NOB1: variants seen among roughly 807,000 people sequenced by gnomAD.
The protein encoded by NOB1 is NIN1 (RPN12) binding protein 1 homolog, also known as RNA-binding protein NOB1.
In NOB1, 44 loss-of-function variants were observed where a neutral mutation model predicts 44.8. The observed-to-expected ratio is 0.98, with a 90% confidence interval of 0.77 to 1.26. The LOEUF (loss-of-function observed/expected upper bound fraction) is 1.26, where lower values mean the gene tolerates loss of function less well. Among genes scored for constraint, NOB1 ranks in the 50% most tolerant of loss-of-function variants. The probability of loss-of-function intolerance (pLI) is 0.00; values close to 1 mark genes in which losing one functional copy is unlikely to be tolerated. For synonymous variants in NOB1, 238 were observed against 218.7 expected, an observed-to-expected ratio of 1.09 and a Z score of -0.78; for missense variants, 560 against 544.8, an observed-to-expected ratio of 1.03 and a Z score of -0.28.
intron 2 of NOB1, among the ~76,000 whole-genome samples, chr16:69,753,195 C>T (rs973347108): frequency 1.3e-5 from 2 of 151,992 alleles, no homozygotes; most frequent in African/African-American, 4.8e-5. Context: ...GCACTCCAGG[C>T]TAGGCAACAC....
intron 8 of NOB1, among the ~76,000 whole-genome samples, chr16:69,743,200 C>T (rs539245831): frequency 8.5e-5 from 13 of 152,146 alleles, no homozygotes; most frequent in Non-Finnish European, 1.6e-4. Context: ...GACAGAAATC[C>T]ACAAGACCAC....
Position 69,744,857 on chromosome 16 carries a change from G to T in NOB1, c.969+16C>A. On this transcript the variant is annotated intron_variant, in intron 8 of 8. Coordinates refer to ENST00000268802, the MANE Select transcript of NOB1 (RefSeq NM_014062.3). ...CACTCTGGTGTTGGGAGGGGACTGGGAGAGGCGCCACTCACCCGGAGGCCG... is the reference window on the plus strand; with the variant it reads ...CACTCTGGTGTTGGGAGGGGACTGGTAGAGGCGCCACTCACCCGGAGGCCG... 6.2e-7 allele frequency: 1 copy of T among 1,610,682 alleles called. No homozygotes were observed.
rs116408828 is a variant in NOB1, at chr16:69,746,301, A to G, written c.825-1284T>C. 8.8e-3 allele frequency among the ~76,000 whole-genome samples: 1,342 copies of G among 152,312 alleles called. 20 individuals carry two copies. Among genetic ancestry groups the G allele is most frequent in the African/African-American group, 0.031 (1,286 of 41,574 alleles). On this transcript the variant is annotated intron_variant, in intron 7 of 8. Transcript: ENST00000268802. ...CAGATGATCTACGTGATGCCCCCAG[A>G]CCCAGCCTGAGCCTGCAGAATGGCA...
chr16:69,743,482 T>G (rs1285302815), intron 8 of NOB1, among the ~76,000 whole-genome samples: 1 of 152,110 alleles, frequency 6.6e-6, no homozygotes, highest in African/African-American at 2.4e-5. Context: ...CACCAGTAAA[T>G]TAGACAATTA....
intron 8 of NOB1, among the ~76,000 whole-genome samples, chr16:69,743,540 C>T (rs1263173158): frequency 6.6e-6 from 1 of 152,190 alleles, no homozygotes; most frequent in African/African-American, 2.4e-5. Flanking sequence ...ATCAGGATCA[C>T]CTCTGGCGTG....
chr16:69,752,446 A>T, intron 2 of NOB1, 75 bp from the exon 3 acceptor site: 1 of 1,484,038 alleles, frequency 6.7e-7, no homozygotes, highest in Non-Finnish European at 9.3e-7. Context: ...GGAAGTATCA[A>T]AACAATTTAG....
intron 6 of NOB1, among the ~76,000 whole-genome samples, 184 bp from the exon 7 acceptor site, chr16:69,748,513 C>G (rs149880095): frequency 7.9e-5 from 12 of 152,214 alleles, no homozygotes; most frequent in Non-Finnish European, 1.5e-4. Context: ...TTTCTAACAC[C>G]GTCCTGGAGC....
chr16:69,745,021 G>A lies in NOB1; in HGVS notation c.825-4C>T. ...TCGGCTCATGTCAGACGTTGTCCTG[G>A]GAGACACAAAAGGAGATGATCTGTA... On this transcript the variant is annotated splice_region_variant and splice_polypyrimidine_tract_variant and intron_variant, in intron 7 of 8. Transcript: ENST00000268802. 6.2e-7 allele frequency: 1 copy of A among 1,613,918 alleles called. No homozygotes were observed. The highest frequency in any genetic ancestry group is 8.5e-7 in the Non-Finnish European group (1 of 1,179,878).
chr16:69,744,063 G>A (rs1332200766), intron 8 of NOB1, among the ~76,000 whole-genome samples: 1 of 152,074 alleles, frequency 6.6e-6, no homozygotes, highest in Non-Finnish European at 1.5e-5. Flanking sequence ...AGTGGCTCAC[G>A]CCTGTAATCC....
Position 69,749,311 on chromosome 16 carries a change from C to CT in NOB1, c.426dup (p.Gly143ArgfsTer6). 1.2e-6 allele frequency: 2 copies of CT among 1,600,640 alleles called. No homozygotes were observed. The highest frequency in any genetic ancestry group is 2.3e-5 in the South Asian group (2 of 88,122). On this transcript the variant is annotated frameshift_variant, in exon 5 of 9. Coordinates refer to ENST00000268802, the MANE Select transcript of NOB1 (RefSeq NM_014062.3). LOFTEE classifies it high-confidence loss of function. ...TTCTCAGGCTCACAAGCTGAGTGTCCTTTTTCTGTTTCTTGTGGGGGTTTA... is the reference window on the plus strand; with the variant it reads ...TTCTCAGGCTCACAAGCTGAGTGTCCTTTTTTCTGTTTCTTGTGGGGGTTTA...
At chr16:69,748,019 G>A (rs1437707224) in intron 7 of NOB1, among the ~76,000 whole-genome samples, 2 of 152,104 alleles carry the variant, frequency 1.3e-5, no homozygotes, top group East Asian at 1.9e-4. Context: ...AATTAAATTA[G>A]TCGGGTGCAG....
rs1016697245 is a variant in NOB1, at chr16:69,742,701, G to C, written c.970-100C>G. On this transcript the variant is annotated intron_variant, in intron 8 of 8. Transcript: ENST00000268802. ...AGCCGACCTTGCAGATCCTGGTGCA[G>C]GCAGATGACAGCGGGTGGTAATTGA... The C allele has an allele frequency of 1.6e-5, 20 of 1,253,632 alleles. No individual in the cohort carries two copies. In the Admixed American group the frequency reaches 2.4e-4, roughly 15 times the overall value. The allele number at this position is 1,253,632 out of a possible 1,614,324, so 77.7% of individuals were successfully genotyped here. A position where few individuals can be genotyped will look rare whatever the true frequency, so the allele number is the denominator to read the frequency against.
chr16:69,754,685 AGTGACCACCTCCCG>A lies in NOB1; in HGVS notation c.91_104del (p.Arg31Ter). The A allele has an allele frequency of 6.2e-7, 1 of 1,614,086 alleles. No homozygotes were observed. Among genetic ancestry groups the A allele is most frequent in the Non-Finnish European group, 8.5e-7 (1 of 1,179,928 alleles). On this transcript the variant is annotated frameshift_variant, in exon 2 of 9. Coordinates refer to ENST00000268802, the MANE Select transcript of NOB1 (RefSeq NM_014062.3). LOFTEE classifies it high-confidence loss of function. ...TGCGTGTGGCCTTGTCCCGAATCTC[AGTGACCACCTCCCG>A]GATGGTGTAAATGTTCTTCCCGATG...
At chr16:69,752,184 G>C in intron 3 of NOB1, 57 bp downstream of exon 3, 5 of 1,547,936 alleles carry the variant, frequency 3.2e-6, no homozygotes, top group Non-Finnish European at 4.4e-6. Context: ...TTCTACTTTT[G>C]TATACCTGAC....
Position 69,751,509 on chromosome 16 carries a change from A to G in NOB1, c.327+732T>C, listed in dbSNP as rs558237122. ...CAGCTAGACCCTGGATGAAAGAGGG[A>G]AAAAAAAAAGGGACTGAGACACACT... On this transcript the variant is annotated intron_variant, in intron 3 of 8. Coordinates refer to ENST00000268802, the MANE Select transcript of NOB1 (RefSeq NM_014062.3). 2.7e-3 allele frequency among the ~76,000 whole-genome samples: 407 copies of G among 148,948 alleles called. 1 individual carries two copies. Among genetic ancestry groups the G allele is most frequent in the East Asian group, 0.021 (105 of 5,102 alleles).
chr16:69,744,176 C>A (rs1278955838), intron 8 of NOB1, among the ~76,000 whole-genome samples: 5 of 152,110 alleles, frequency 3.3e-5, no homozygotes, highest in Admixed American at 3.3e-4. Context: ...GATAAATTAG[C>A]CAAGCATGGT....
intron 6 of NOB1, 54 bp downstream of exon 6, chr16:69,748,864 T>C (rs1467798212): frequency 2.8e-6 from 4 of 1,449,968 alleles, no homozygotes; most frequent in Admixed American, 2.1e-5. Context: ...TACACCTCGG[T>C]AGGACCACTG....
intron 3 of NOB1, 54 bp from the exon 4 acceptor site, chr16:69,749,684 G>T (rs1240056674): frequency 6.3e-5 from 76 of 1,206,644 alleles, no homozygotes; most frequent in Non-Finnish European, 8.5e-5. Context: ...AAGATATCCA[G>T]TTTTTTTTTT....
At chr16:69,742,926 C>A (rs553745681) in intron 8 of NOB1, among the ~76,000 whole-genome samples, 1 of 152,158 alleles carries the variant, frequency 6.6e-6, no homozygotes, top group African/African-American at 2.4e-5. Flanking sequence ...GTAGCCAAGA[C>A]GCAATGACAC....
Sources: allele counts gnomAD v4.1 joint callset (sites outside exome capture counted in the v4.1 genomes callset), GRCh38; gene constraint gnomAD v4.1.1; transcripts MANE v1.5; gene names NCBI Gene and HGNC (gene_info 2026-07-23, HGNC 2026-07-21).